CCSER1: variants seen among roughly 807,000 people sequenced by gnomAD.
CCSER1 encodes serine-rich coiled-coil domain-containing protein 1.
A neutral mutation model predicts 82.0 loss-of-function variants in CCSER1; 41 were observed. The observed-to-expected ratio is 0.50, with a 90% CI of 0.39 to 0.65. CCSER1 has a LOEUF of 0.65. CCSER1 is among the 30% of genes least tolerant of loss of function. The pLI is 0.00. For missense variants in CCSER1, 1,119 were observed against 1,064.2 expected (o/e 1.05, Z -0.72); for synonymous variants, 414 against 383.9 (o/e 1.08, Z -0.92).
At chr4:91,028,598 G>A (rs1254711335) in intron 9 of CCSER1, among the ~76,000 whole-genome samples, 2 of 151,742 alleles carry the variant, frequency 1.3e-5, no homozygotes, top group Non-Finnish European at 2.9e-5. Flanking sequence ...ATGACATAAT[G>A]AATATTAGCA....
intron 9 of CCSER1, among the ~76,000 whole-genome samples, chr4:90,981,083 G>A (rs1241816710): frequency 6.6e-6 from 1 of 151,774 alleles, no homozygotes; most frequent in Admixed American, 6.6e-5. Flanking sequence ...TACAGAAGTT[G>A]GTGGATAAAT....
chr4:90,440,515 T>C (rs1759710474), intron 4 of CCSER1, among the ~76,000 whole-genome samples: 1 of 152,180 alleles, frequency 6.6e-6, no homozygotes, highest in East Asian at 1.9e-4. Context: ...GAGATAATTA[T>C]CCTTGGCTAC....
At chr4:90,829,070 C>G (rs1481281860) in intron 8 of CCSER1, among the ~76,000 whole-genome samples, 2 of 151,790 alleles carry the variant, frequency 1.3e-5, no homozygotes, top group Non-Finnish European at 2.9e-5. Flanking sequence ...GAAAACAGAG[C>G]TATGAAATGA....
At chr4:90,480,374 T>C in intron 5 of CCSER1, among the ~76,000 whole-genome samples, 1 of 152,242 alleles carries the variant, frequency 6.6e-6, no homozygotes, top group African/African-American at 2.4e-5. Context: ...AGAAACTCTT[T>C]AGCTTAATTA....
chr4:90,447,784 A>G (rs887413024), intron 4 of CCSER1, among the ~76,000 whole-genome samples: 6 of 152,206 alleles, frequency 3.9e-5, no homozygotes, highest in Non-Finnish European at 8.8e-5. Context: ...GCTGACACAC[A>G]TGAAAATTAG....
intron 10 of CCSER1, among the ~76,000 whole-genome samples, chr4:91,249,692 A>C (rs1740100843): frequency 6.6e-6 from 1 of 152,038 alleles, no homozygotes; most frequent in African/African-American, 2.4e-5. Flanking sequence ...TGAGTCCTAA[A>C]GTTTGTTTAT....
chr4:90,286,554 T>C (rs1305054181), intron 1 of CCSER1, among the ~76,000 whole-genome samples: 6 of 152,032 alleles, frequency 3.9e-5, no homozygotes, highest in Non-Finnish European at 5.9e-5. Flanking sequence ...AAAAAATGAC[T>C]TGACTCACAA....
chr4:91,156,942 C>G (rs1055516695), intron 10 of CCSER1, among the ~76,000 whole-genome samples: 3 of 151,872 alleles, frequency 2.0e-5, no homozygotes, highest in Admixed American at 6.6e-5. Flanking sequence ...AAAAAGAAAT[C>G]CTTCCATCTC....
intron 7 of CCSER1, among the ~76,000 whole-genome samples, chr4:90,734,528 A>G (rs967960238): frequency 2.6e-5 from 4 of 151,962 alleles, no homozygotes; most frequent in Non-Finnish European, 5.9e-5. Flanking sequence ...GAGAGCTTTC[A>G]TTTATTTGGT....
chr4:91,194,573 G>A (rs1161124435), intron 10 of CCSER1, among the ~76,000 whole-genome samples: 3 of 152,070 alleles, frequency 2.0e-5, no homozygotes, highest in Non-Finnish European at 4.4e-5. Flanking sequence ...TCATAGCATT[G>A]CTCCACAGTC....
At chr4:91,284,599 G>T (rs970724978) in intron 10 of CCSER1, among the ~76,000 whole-genome samples, 1 of 151,984 alleles carries the variant, frequency 6.6e-6, no homozygotes, top group African/African-American at 2.4e-5. Context: ...ATCAGACTTT[G>T]AGAAAGAGCT....
chr4:91,564,676 C>A (rs1390280056), intron 10 of CCSER1, among the ~76,000 whole-genome samples: 1 of 151,920 alleles, frequency 6.6e-6, no homozygotes, highest in Non-Finnish European at 1.5e-5. Context: ...TTGTTGGCCA[C>A]ATGTGTGCCT....
chr4:90,421,623 T>A (rs1367474036), intron 4 of CCSER1, among the ~76,000 whole-genome samples: 1 of 152,214 alleles, frequency 6.6e-6, no homozygotes, highest in Non-Finnish European at 1.5e-5. Flanking sequence ...GAAGGGTTTG[T>A]TTGAATTGGA....
intron 10 of CCSER1, among the ~76,000 whole-genome samples, chr4:91,472,034 A>G (rs1757310655): frequency 6.6e-6 from 1 of 151,940 alleles, no homozygotes; most frequent in Non-Finnish European, 1.5e-5. Flanking sequence ...AGTTATTAGT[A>G]AAAAAAATCA....
At chr4:90,342,648 C>G (rs1741603283) in intron 3 of CCSER1, among the ~76,000 whole-genome samples, 1 of 152,192 alleles carries the variant, frequency 6.6e-6, no homozygotes, top group Admixed American at 6.5e-5. Flanking sequence ...ATCCCTCTGT[C>G]ACCTGCTCAT....
At position 91,599,425 on chromosome 4, in the gene CCSER1, T is replaced by C. The variant is rs536773696; in HGVS notation, c.*368T>C. 6.3e-6 allele frequency: 1 copy of C among 158,546 alleles called. No homozygotes were observed. Among genetic ancestry groups the C allele is most frequent in the East Asian group, 1.8e-4 (1 of 5,456 alleles). 9.8% of individuals were successfully genotyped at this position (158,546 alleles called of 1,614,324 possible). A position where few individuals can be genotyped will look rare whatever the true frequency, so the allele number is the denominator to read the frequency against. ...CAAATAGCAATCTGTTCACTGTTAA[T>C]GGTGTTACTATAAAAGTAGACCTGA... On this transcript the variant is annotated 3_prime_UTR_variant, in exon 11 of 11. Coordinates refer to ENST00000509176, the MANE Select transcript of CCSER1 (RefSeq NM_001145065.2).
chr4:90,233,225 A>G (rs1453341329), intron 1 of CCSER1, among the ~76,000 whole-genome samples: 1 of 152,094 alleles, frequency 6.6e-6, no homozygotes. Context: ...AACCAACCCA[A>G]ATGTCCAACA....
At chr4:90,614,931 A>G (rs1347792919) in intron 5 of CCSER1, among the ~76,000 whole-genome samples, 1 of 152,168 alleles carries the variant, frequency 6.6e-6, no homozygotes, top group Non-Finnish European at 1.5e-5. Flanking sequence ...CCTGACTTCA[A>G]AGCTTCCAAG....
intron 5 of CCSER1, among the ~76,000 whole-genome samples, chr4:90,609,152 A>G (rs986667679): frequency 3.3e-5 from 5 of 152,072 alleles, no homozygotes; most frequent in Admixed American, 1.3e-4. Flanking sequence ...ATATTTTTAT[A>G]TATTTATACT....
Sources: allele counts gnomAD v4.1 joint callset (sites outside exome capture counted in the v4.1 genomes callset), GRCh38; gene constraint gnomAD v4.1.1; transcripts MANE v1.5; gene names NCBI Gene and HGNC (gene_info 2026-07-23, HGNC 2026-07-21).